TEX9: variants seen among roughly 807,000 people sequenced by gnomAD.
The protein encoded by TEX9 is testis-expressed protein 9.
In TEX9, 74 loss-of-function variants were observed where a neutral mutation model predicts 59.6. The ratio of observed to expected loss-of-function variants is 1.24; its 90% CI spans 1.03 to 1.51. The LOEUF (loss-of-function observed/expected upper bound fraction) is 1.51, where lower values mean the gene tolerates loss of function less well. Among genes scored for constraint, TEX9 ranks in the 40% most tolerant of loss-of-function variants. The pLI is 0.00. For missense variants in TEX9, 522 were observed against 447.8 expected, an observed-to-expected ratio of 1.17 and a Z score of -1.49; for synonymous variants, 186 against 152.2, an observed-to-expected ratio of 1.22 and a Z score of -1.64.
intron 12 of TEX9, chr15:56,431,376 A>C: frequency 6.2e-7 from 1 of 1,611,194 alleles, no homozygotes; most frequent in Non-Finnish European, 8.5e-7. Flanking sequence ...CACTTACTTT[A>C]GGGAGATAGC....
chr15:56,422,565 T>C (rs2050034137), intron 10 of TEX9, among the ~76,000 whole-genome samples: 1 of 151,872 alleles, frequency 6.6e-6, no homozygotes, highest in Non-Finnish European at 1.5e-5. Context: ...AAGAGCCTTT[T>C]AGCAGTATAC....
At chr15:56,414,556 C>T (rs1457480959) in intron 10 of TEX9, among the ~76,000 whole-genome samples, 3 of 149,806 alleles carry the variant, frequency 2.0e-5, no homozygotes, top group Non-Finnish European at 2.9e-5. Flanking sequence ...ATCCATGTTC[C>T]CACAAAAAAC....
rs1245020013 is a variant in TEX9 at position 56,424,573 on chromosome 15, G to T, written c.964-3032G>T. ...TTACCCTCTCATTTCCTTCCTTATT[G>T]CCTTATTGTTTAGTTGATTTTGTGT... is the stretch of plus-strand genomic sequence containing the variant. On this transcript the variant is annotated intron_variant, in intron 10 of 12. Coordinates refer to ENST00000352903, the Ensembl canonical transcript of TEX9. Among the ~76,000 whole-genome samples, 3 of 151,856 alleles carry T rather than the reference G, an allele frequency of 2.0e-5. No homozygotes were observed. In the East Asian group the frequency reaches 5.8e-4, roughly 29 times the overall value.
intron 1 of TEX9, among the ~76,000 whole-genome samples, chr15:56,249,742 C>CAAAAAAAAAAAAA (rs11440856): frequency 3.9e-5 from 1 of 25,456 alleles, no homozygotes; most frequent in Non-Finnish European, 7.6e-5. Flanking sequence ...GGATCTGTCT[C>CAAAAAAAAAAAAA]AAAAAAAAAA....
At chr15:56,365,318 A>T (rs1340275697), upstream of TEX9, 14 of 1,237,774 alleles carry the variant, frequency 1.1e-5, no homozygotes, top group Non-Finnish European at 5.5e-6. Context: ...CCGCTGCCAG[A>T]GGCTCGCGCC....
intron 1 of TEX9, among the ~76,000 whole-genome samples, chr15:56,309,713 T>G (rs1045148474): frequency 7.1e-6 from 1 of 140,604 alleles, no homozygotes; most frequent in Non-Finnish European, 1.6e-5. Flanking sequence ...TTTTTTTTTT[T>G]TTTTTTTTTT....
At chr15:56,308,417 T>C (rs372429790) in intron 1 of TEX9, among the ~76,000 whole-genome samples, 1 of 152,162 alleles carries the variant, frequency 6.6e-6, no homozygotes, top group African/African-American at 2.4e-5. Flanking sequence ...GAATTATTGG[T>C]GTTTTGTTGA....
At chr15:56,460,007 A>ATATATAT in the TEX9 span, among the ~76,000 whole-genome samples, 7 of 27,614 alleles carry the variant, frequency 2.5e-4, 1 homozygote, top group African/African-American at 9.3e-4. Flanking sequence ...AAAAAAAAAA[A>ATATATAT]AAATACATAT....
rs2049456306 is a variant in TEX9 at position 56,413,202 on chromosome 15, A to ACATTTAATAATTAAATAATTTAATT, written c.963+766_963+767insCATTTAATAATTAAATAATTTAATT. ...ATTCTATTTAATAATTAAATATTTA[A>ACATTTAATAATTAAATAATTTAATT]TATTTAATAATTAAATAATTTAATT... is the stretch of plus-strand genomic sequence containing the variant. On this transcript the variant is annotated intron_variant, in intron 10 of 12. Coordinates refer to ENST00000352903, the Ensembl canonical transcript of TEX9. Among the ~76,000 whole-genome samples the ACATTTAATAATTAAATAATTTAATT allele has an allele frequency of 3.4e-5, 5 of 145,166 alleles. No homozygotes were observed. The South Asian group carries it at 1.1e-3, about 31-fold the overall frequency.
intron 3 of TEX9, among the ~76,000 whole-genome samples, chr15:56,382,560 C>T (rs2047777795): frequency 6.6e-6 from 1 of 152,120 alleles, no homozygotes; most frequent in African/African-American, 2.4e-5. Context: ...GGCCCAAGGT[C>T]CCTTTATTTA....
intron 1 of TEX9, among the ~76,000 whole-genome samples, chr15:56,252,378 C>A (rs1381041525): frequency 9.5e-5 from 7 of 73,648 alleles, no homozygotes; most frequent in African/African-American, 1.5e-4. Context: ...ATTAGAAAAA[C>A]CTTTTTTTTT....
At chr15:56,277,135 G>C (rs2044689161) in intron 1 of TEX9, among the ~76,000 whole-genome samples, 2 of 152,040 alleles carry the variant, frequency 1.3e-5, no homozygotes, top group African/African-American at 2.4e-5. Context: ...TCAGTCTGAT[G>C]ATAGTTTTTT....
intron 1 of TEX9, among the ~76,000 whole-genome samples, chr15:56,297,280 T>C (rs999790583): frequency 3.9e-5 from 6 of 152,148 alleles, no homozygotes; most frequent in Non-Finnish European, 8.8e-5. Context: ...TCTTAAAAAA[T>C]AGGGCGTCTC....
chr15:56,332,444 G>T (rs1348072320), intron 1 of TEX9, among the ~76,000 whole-genome samples: 9 of 141,274 alleles, frequency 6.4e-5, no homozygotes, highest in Admixed American at 6.0e-4. Flanking sequence ...ACAGGAAGGG[G>T]AATATCACAC....
At chr15:56,263,214 G>A (rs2044307574) in intron 1 of TEX9, among the ~76,000 whole-genome samples, 1 of 152,054 alleles carries the variant, frequency 6.6e-6, no homozygotes, top group Non-Finnish European at 1.5e-5. Flanking sequence ...GTAGAGACAG[G>A]GTTTCTCTAT....
chr15:56,449,047 A>C (rs1345867016), downstream of TEX9, among the ~76,000 whole-genome samples: 1 of 152,078 alleles, frequency 6.6e-6, no homozygotes, highest in Non-Finnish European at 1.5e-5. Context: ...GAGCCACCAC[A>C]CCCGGCTATT....
intron 9 of TEX9, chr15:56,396,568 G>GTTTTTTT (rs11436613): frequency 7.5e-5 from 9 of 120,204 alleles, no homozygotes; most frequent in Admixed American, 9.1e-5. Flanking sequence ...TTTTGAATCT[G>GTTTTTTT]TTTTTTTTTT....
chr15:56,302,922 A>T (rs187749671), intron 1 of TEX9, among the ~76,000 whole-genome samples: 1 of 152,358 alleles, frequency 6.6e-6, no homozygotes, highest in East Asian at 1.9e-4. Flanking sequence ...TACTTACATC[A>T]GACAAAATCT....
At chr15:56,280,760 C>T (rs2044796682) in intron 1 of TEX9, among the ~76,000 whole-genome samples, 1 of 152,174 alleles carries the variant, frequency 6.6e-6, no homozygotes, top group South Asian at 2.1e-4. Context: ...ATCTGTCAGT[C>T]CTTGGCTAAA....
Sources: gnomAD v4.1 joint callset for allele counts (sites outside exome capture counted in the v4.1 genomes callset) on GRCh38, gnomAD v4.1.1 for gene constraint, MANE v1.5 for transcripts, NCBI Gene and HGNC (gene_info 2026-07-23, HGNC 2026-07-21) for gene names.